The following TMEM144 variants were observed in gnomAD, a reference collection of about 807,000 sequenced individuals.
TMEM144 encodes the protein transmembrane protein 144.
Under a neutral mutation model 43.6 loss-of-function variants are expected in TMEM144, and 39 were observed. The ratio of observed to expected loss-of-function variants is 0.90; its 90% CI spans 0.69 to 1.17. The LOEUF (loss-of-function observed/expected upper bound fraction) is 1.17. Among genes scored for constraint, TMEM144 ranks in the 50% most tolerant of loss-of-function variants. The pLI is 0.00. For missense variants in TMEM144, 417 were observed against 411.9 expected (o/e 1.01, Z -0.11); for synonymous variants, 154 against 133.6 (o/e 1.15, Z -1.06).
At position 158,243,785 on chromosome 4, in the gene TMEM144, C is replaced by G. The variant is rs567715561; in HGVS notation, c.901-511C>G. Among the ~76,000 whole-genome samples, 53 of 152,188 alleles carry G rather than the reference C, an allele frequency of 3.5e-4. 1 individual carries two copies. Among genetic ancestry groups the G allele is most frequent in the Non-Finnish European group, 6.9e-4 (47 of 68,018 alleles). ...GCATTCATTGGTGTTTAATGTTAGC[C>G]AGACTTGATTGCTCTGTAGTAATAT... On this transcript the variant is annotated intron_variant, in intron 11 of 12. Transcript: ENST00000296529.
chr4:158,228,975 C>T (rs553073686), intron 6 of TMEM144, among the ~76,000 whole-genome samples: 10 of 152,102 alleles, frequency 6.6e-5, no homozygotes, highest in African/African-American at 1.2e-4. Context: ...CTGCATGCAC[C>T]GGTAATCAGA....
At chr4:158,248,345 T>C (rs1735999199) in intron 12 of TMEM144, among the ~76,000 whole-genome samples, 1 of 152,158 alleles carries the variant, frequency 6.6e-6, no homozygotes, top group African/African-American at 2.4e-5. Flanking sequence ...GATGGGAAGA[T>C]GGCTTGAACC....
At chr4:158,234,803 A>G (rs920115574) in intron 7 of TMEM144, 1 of 152,298 alleles carries the variant, frequency 6.6e-6, no homozygotes, top group African/African-American at 2.4e-5. Flanking sequence ...GGGTTTCATC[A>G]CACTATTCAG....
chr4:158,212,329 T>G, intron 2 of TMEM144: 1 of 173,888 alleles, frequency 5.8e-6, no homozygotes, highest in East Asian at 1.6e-4. Context: ...CCGCTAAAAC[T>G]TTCTGCAGTG....
Position 158,227,681 on chromosome 4 carries a change from G to A in TMEM144, c.414-5220G>A, listed in dbSNP as rs1207201115. Among the ~76,000 whole-genome samples the A allele has an allele frequency of 6.6e-5, 10 of 152,002 alleles. No homozygotes were observed. The South Asian group carries it at 8.3e-4, about 13-fold the overall frequency. ...GAGCTCTAAAACCAGCTCTCCAAGC[G>A]TATATGTATAGAACCAGTAACCAAA... On this transcript the variant is annotated intron_variant, in intron 6 of 12. Coordinates refer to ENST00000296529, the MANE Select transcript of TMEM144 (RefSeq NM_018342.5).
At chr4:158,227,126 C>CTTT (rs34561388) in intron 6 of TMEM144, among the ~76,000 whole-genome samples, 5 of 141,266 alleles carry the variant, frequency 3.5e-5, no homozygotes, top group East Asian at 2.1e-4. Flanking sequence ...GTATAGATGG[C>CTTT]TTTTTTTTTT....
intron 5 of TMEM144, among the ~76,000 whole-genome samples, 189 bp from the exon 6 acceptor site, chr4:158,219,121 A>AT (rs987309126): frequency 3.3e-5 from 5 of 151,754 alleles, no homozygotes; most frequent in Non-Finnish European, 5.9e-5. Flanking sequence ...TCAAAAAAAA[A>AT]TTTTTTTTTA....
chr4:158,214,348 G>A (rs1217535794), intron 3 of TMEM144, among the ~76,000 whole-genome samples: 1 of 152,168 alleles, frequency 6.6e-6, no homozygotes, highest in Non-Finnish European at 1.5e-5. Flanking sequence ...TTTTGTCATG[G>A]AGATTAGCAG....
chr4:158,250,821 TC>T (rs1445826153), intron 12 of TMEM144, among the ~76,000 whole-genome samples: 1 of 152,000 alleles, frequency 6.6e-6, no homozygotes, highest in Non-Finnish European at 1.5e-5. Flanking sequence ...ATGAACCCAC[TC>T]CCCCCAACAA....
At chr4:158,245,240 G>A (rs1187698304) in intron 12 of TMEM144, among the ~76,000 whole-genome samples, 1 of 99,584 alleles carries the variant, frequency 1.0e-5, no homozygotes, top group Non-Finnish European at 2.1e-5. Context: ...GTGTGTGTGT[G>A]TGTGTGTGTG....
chr4:158,214,234 C>T (rs1734107416), intron 3 of TMEM144, among the ~76,000 whole-genome samples: 1 of 152,042 alleles, frequency 6.6e-6, no homozygotes, highest in Non-Finnish European at 1.5e-5. Flanking sequence ...GACGGAATCT[C>T]AAGGGCTGGT....
At chr4:158,240,488 G>A (rs1735579692) in intron 10 of TMEM144, 70 bp downstream of exon 10, 2 of 1,502,088 alleles carry the variant, frequency 1.3e-6, no homozygotes, top group African/African-American at 1.4e-5. Context: ...ACTTGAATAA[G>A]TTTCTTCTGG....
Position 158,215,289 on chromosome 4 carries a change from C to G in TMEM144, c.208C>G (p.Leu70Val), listed in dbSNP as rs769041776. 1 of 1,613,672 alleles carries G rather than the reference C, an allele frequency of 6.2e-7. No individual in the cohort carries two copies. The highest frequency in any genetic ancestry group is 8.5e-7 in the Non-Finnish European group (1 of 1,179,760). Residue 70 changes from leucine to valine, a missense_variant, in exon 4 of 13, where the codon CTT (leucine) becomes GTT (valine). Leu to Val is a conservative substitution (Grantham distance 32). Coordinates refer to ENST00000296529, the MANE Select transcript of TMEM144 (RefSeq NM_018342.5). ...HCPKFWPFAM[L>V]GGCIWATGNI... ...TCCAAAGTTTTGGCCTTTTGCAATG[C>G]TTGGGGGCTGCATTTGGGCAACAGG...
At chr4:158,238,136 G>A (rs1168853023) in intron 9 of TMEM144, among the ~76,000 whole-genome samples, 2 of 152,174 alleles carry the variant, frequency 1.3e-5, no homozygotes, top group Non-Finnish European at 2.9e-5. Flanking sequence ...TCTCCCAAGA[G>A]TAAACTCAAT....
intron 7 of TMEM144, chr4:158,234,162 T>C (rs1221450027): frequency 2.0e-5 from 3 of 152,304 alleles, no homozygotes; most frequent in Middle Eastern, 6.8e-3. Flanking sequence ...AAAGGAAAAC[T>C]TGACTTAGCA....
intron 6 of TMEM144, among the ~76,000 whole-genome samples, chr4:158,225,479 T>A (rs1734718559): frequency 6.6e-6 from 1 of 152,214 alleles, no homozygotes; most frequent in Non-Finnish European, 1.5e-5. Flanking sequence ...GCTATTTGAT[T>A]TTAAGCTTTA....
intron 6 of TMEM144, among the ~76,000 whole-genome samples, chr4:158,225,672 G>T (rs1053493972): frequency 2.0e-5 from 3 of 152,194 alleles, no homozygotes; most frequent in Non-Finnish European, 4.4e-5. Flanking sequence ...TAGTTATTCG[G>T]CAGAGTGCCC....
intron 6 of TMEM144, 91 bp downstream of exon 6, chr4:158,219,481 A>G: frequency 8.1e-7 from 1 of 1,235,566 alleles, no homozygotes; most frequent in Non-Finnish European, 1.2e-6. Flanking sequence ...TTTTAAACCT[A>G]CATTTCGTAA....
intron 12 of TMEM144, among the ~76,000 whole-genome samples, 171 bp downstream of exon 12, chr4:158,244,520 A>C (rs1735790494): frequency 6.6e-6 from 1 of 151,986 alleles, no homozygotes; most frequent in Non-Finnish European, 1.5e-5. Context: ...AAATACAAAA[A>C]ATTAGCTGGG....
Sources: allele counts gnomAD v4.1 joint callset (sites outside exome capture counted in the v4.1 genomes callset), GRCh38; gene constraint gnomAD v4.1.1; transcripts MANE v1.5; gene names NCBI Gene and HGNC (gene_info 2026-07-23, HGNC 2026-07-21).